MYO16: variants seen among roughly 807,000 people sequenced by gnomAD.
MYO16 encodes the protein unconventional myosin-XVI.
Under a neutral mutation model 205.3 loss-of-function variants are expected in MYO16, and 94 were observed. The observed-to-expected ratio is 0.46, with a 90% confidence interval of 0.39 to 0.54. MYO16 has a LOEUF of 0.54. Among genes scored for constraint, MYO16 ranks in the 20% least tolerant of loss-of-function variants. The pLI is 0.00. For synonymous variants in MYO16, 988 were observed against 954.0 expected, an observed-to-expected ratio of 1.04 and a Z score of -0.66; for missense variants, 2,315 against 2,387.5, an observed-to-expected ratio of 0.97 and a Z score of 0.63.
At chr13:108,561,583 TA>T in the MYO16 span, among the ~76,000 whole-genome samples, 22 of 152,358 alleles carry the variant, frequency 1.4e-4, no homozygotes, top group East Asian at 4.2e-3. Context: ...TTCTGTGCCT[TA>T]ACCTAAAACT....
chr13:108,720,456 T>A (rs1385172235), intron 3 of MYO16, among the ~76,000 whole-genome samples: 1 of 152,212 alleles, frequency 6.6e-6, no homozygotes, highest in Non-Finnish European at 1.5e-5. Flanking sequence ...ACTGTAGAAA[T>A]GTTCTTTGAA....
intron 16 of MYO16, among the ~76,000 whole-genome samples, chr13:108,931,756 G>A (rs770626038): frequency 6.6e-6 from 1 of 152,076 alleles, no homozygotes; most frequent in Non-Finnish European, 1.5e-5. Context: ...GGGTGGGTGG[G>A]CTTATATTTC....
chr13:108,795,435 T>C (rs169038), intron 6 of MYO16, among the ~76,000 whole-genome samples: 95,578 of 151,912 alleles, frequency 0.63, 30,506 homozygotes, highest in East Asian at 0.86. Flanking sequence ...GTCTCGATCT[T>C]CTGACCTCGT....
At chr13:108,496,844 G>T in the MYO16 span, among the ~76,000 whole-genome samples, 2 of 152,170 alleles carry the variant, frequency 1.3e-5, no homozygotes. Flanking sequence ...GCTAAGCGGG[G>T]TTAAGTGAAA....
intron 4 of MYO16, among the ~76,000 whole-genome samples, chr13:108,758,571 A>G (rs578135842): frequency 2.6e-5 from 4 of 152,312 alleles, no homozygotes; most frequent in South Asian, 2.1e-4. Context: ...TGGTCTTTCA[A>G]TTTCAGTCAT....
At chr13:109,073,430 C>G (rs1435990927) in intron 27 of MYO16, among the ~76,000 whole-genome samples, 1 of 8,972 alleles carries the variant, frequency 1.1e-4, no homozygotes, top group Non-Finnish European at 2.2e-4. Context: ...TCTTTATATT[C>G]CACAGGTGAT....
chr13:108,499,960 C>T, the MYO16 span, among the ~76,000 whole-genome samples: 7 of 148,638 alleles, frequency 4.7e-5, no homozygotes, highest in South Asian at 2.1e-4. Flanking sequence ...CTCCCTGGCA[C>T]GGCCCCTCTC....
intron 6 of MYO16, among the ~76,000 whole-genome samples, chr13:108,801,646 A>G (rs570463288): frequency 6.6e-6 from 1 of 152,202 alleles, no homozygotes; most frequent in Admixed American, 6.5e-5. Flanking sequence ...AAGAGGCCAG[A>G]TAGACCCAAG....
intron 16 of MYO16, among the ~76,000 whole-genome samples, chr13:108,931,510 C>A (rs950669433): frequency 3.1e-4 from 47 of 152,092 alleles, no homozygotes; most frequent in Non-Finnish European, 5.9e-5. Flanking sequence ...CACAGGTAGT[C>A]CCCGCACCCC....
chr13:109,163,520 T>TCC (rs1231592920), intron 32 of MYO16, among the ~76,000 whole-genome samples: 89 of 37,036 alleles, frequency 2.4e-3, no homozygotes, highest in Middle Eastern at 0.021. Flanking sequence ...CCCTCCCACC[T>TCC]CCCTCCTTCC....
At chr13:108,760,272 C>T (rs1361531239) in intron 4 of MYO16, among the ~76,000 whole-genome samples, 5 of 152,304 alleles carry the variant, frequency 3.3e-5, no homozygotes, top group African/African-American at 9.6e-5. Flanking sequence ...CTTAAGAGAG[C>T]TCTATGGGCA....
intron 6 of MYO16, among the ~76,000 whole-genome samples, chr13:108,794,037 T>A (rs996030772): frequency 1.3e-5 from 2 of 152,216 alleles, no homozygotes; most frequent in African/African-American, 4.8e-5. Context: ...GCCACATGGA[T>A]GCAGCTGAAG....
At chr13:108,793,326 T>C (rs966917428) in intron 5 of MYO16, among the ~76,000 whole-genome samples, 190 bp from the exon 6 acceptor site, 2 of 148,570 alleles carry the variant, frequency 1.3e-5, no homozygotes, top group African/African-American at 5.2e-5. Context: ...GATAATTTTA[T>C]ATTTTTTAAA....
intron 2 of MYO16, among the ~76,000 whole-genome samples, chr13:108,666,712 T>A (rs1239449597): frequency 6.6e-6 from 1 of 152,222 alleles, no homozygotes. Context: ...GGAGTCAATT[T>A]CTTTTCTCCC....
In MYO16 at chr13:108,761,529, G is replaced by T. The variant is rs371708449; in HGVS notation, c.508-24106G>T. On this transcript the variant is annotated intron_variant, in intron 4 of 34. Coordinates refer to ENST00000457511, the MANE Select transcript of MYO16 (RefSeq NM_001198950.3). The stretch of plus-strand genomic sequence containing the variant: ...TAGGTAGCGAAAGTATAGGAGGGCA[G>T]CATGTTGGAGACTTTCAATCTGAGA... Among the ~76,000 whole-genome samples, 6 of 152,290 alleles carry T rather than the reference G, an allele frequency of 3.9e-5. No individual in the cohort carries two copies. The South Asian group carries it at 1.0e-3, about 26-fold the overall frequency.
intron 29 of MYO16, among the ~76,000 whole-genome samples, chr13:109,121,309 G>A (rs1021116261): frequency 2.6e-5 from 4 of 152,138 alleles, no homozygotes; most frequent in African/African-American, 9.7e-5. Context: ...GAGGTAAGGA[G>A]GTGTCTTCTG....
At chr13:109,169,979 C>T (rs1414664439) in intron 33 of MYO16, among the ~76,000 whole-genome samples, 1 of 152,132 alleles carries the variant, frequency 6.6e-6, no homozygotes, top group Non-Finnish European at 1.5e-5. Context: ...ATGCTATACA[C>T]ACAACAATTC....
chr13:108,508,941 T>C, the MYO16 span, among the ~76,000 whole-genome samples: 2 of 152,216 alleles, frequency 1.3e-5, no homozygotes, highest in Admixed American at 6.5e-5. Context: ...TTTAACCAGA[T>C]GTTCTGCAAA....
At chr13:109,009,770 T>A (rs1694052729) in intron 22 of MYO16, among the ~76,000 whole-genome samples, 1 of 152,030 alleles carries the variant, frequency 6.6e-6, no homozygotes, top group Admixed American at 6.5e-5. Context: ...TCTAAATTAT[T>A]TTATTTTATG....
Sources: allele counts gnomAD v4.1 joint callset (sites outside exome capture counted in the v4.1 genomes callset), GRCh38; gene constraint gnomAD v4.1.1; transcripts MANE v1.5; gene names NCBI Gene and HGNC (gene_info 2026-07-23, HGNC 2026-07-21).